PCDHGB5: variants seen among roughly 807,000 people sequenced by gnomAD.
The protein encoded by PCDHGB5 is protocadherin gamma subfamily B, 5.
In PCDHGB5, 48 loss-of-function variants were observed where a neutral mutation model predicts 62.9. The observed-to-expected ratio is 0.76, with a 90% CI of 0.61 to 0.97. The LOEUF (loss-of-function observed/expected upper bound fraction) is 0.97. Ranked by LOEUF, PCDHGB5 falls within the 50% of genes least tolerant of loss-of-function variation. The probability of loss-of-function intolerance (pLI) is 0.00; values close to 1 mark genes in which losing one functional copy is unlikely to be tolerated. For synonymous variants in PCDHGB5, 474 were observed against 511.2 expected (o/e 0.93, Z 0.98); for missense variants, 1,118 against 1,198.6 (o/e 0.93, Z 0.99).
In PCDHGB5 at chr5:141,511,406, G is replaced by C; in HGVS notation, c.*233G>C. The C allele has an allele frequency of 1.1e-6, 1 of 942,018 alleles. No individual in the cohort carries two copies. The highest frequency in any genetic ancestry group is 1.7e-5 in the African/African-American group (1 of 60,280). The allele number at this position is 942,018 out of a possible 1,614,324, so 58.4% of individuals were successfully genotyped here. ...GCTGGGAACCCCCATCCAATCAACT[G>C]CTGTACCCATGGGGGTAGTGGGGTT... On this transcript the variant is annotated 3_prime_UTR_variant, in exon 4 of 4. Coordinates refer to ENST00000617380, the MANE Select transcript of PCDHGB5 (RefSeq NM_018925.3).
intron 1 of PCDHGB5, chr5:141,408,114 C>T (rs1191565539): frequency 5.5e-6 from 8 of 1,460,968 alleles, no homozygotes; most frequent in South Asian, 1.4e-5. Context: ...CGGGACTCCT[C>T]CTGTCCTGGG....
intron 1 of PCDHGB5, chr5:141,423,090 G>GT (rs2096707772): frequency 2.5e-6 from 4 of 1,613,904 alleles, no homozygotes; most frequent in African/African-American, 2.7e-5. Flanking sequence ...TCGCGGTGGG[G>GT]GAGCACACGG....
In PCDHGB5 at chr5:141,414,101, A is replaced by G. The variant is rs759223225; in HGVS notation, c.2397+13577A>G. On this transcript the variant is annotated intron_variant, in intron 1 of 3. Transcript: ENST00000617380. ...TATACTGGAGAAATAAAAATATCAG[A>G]AAATCTAGATTATGAAGAAACCGGT... 1.9e-6 allele frequency: 3 copies of G among 1,593,930 alleles called. No individual in the cohort carries two copies. The African/African-American group carries it at 4.0e-5, about 21-fold the overall frequency.
At chr5:141,440,579 C>G (rs1004258822) in intron 1 of PCDHGB5, 12 of 152,188 alleles carry the variant, frequency 7.9e-5, no homozygotes, top group African/African-American at 2.7e-4. Flanking sequence ...TGAGTTTACC[C>G]AGCTGGAACA....
intron 1 of PCDHGB5, chr5:141,410,146 C>G: frequency 6.2e-7 from 1 of 1,612,390 alleles, no homozygotes. Flanking sequence ...CTGTGCGTGA[C>G]GGTGGACAGC....
rs373728953 is a variant in PCDHGB5 at position 141,491,753 on chromosome 5, C to A, written c.2398-3054C>A. The A allele has an allele frequency of 6.3e-7, 1 of 1,585,146 alleles. No homozygotes were observed. The highest frequency in any genetic ancestry group is 8.6e-7 in the Non-Finnish European group (1 of 1,166,912). On this transcript the variant is annotated intron_variant, in intron 1 of 3. Transcript: ENST00000617380. This position sits in a 1 kb window ranked among gnomAD's most constrained non-coding sequence, Gnocchi z 6.9. The stretch of plus-strand genomic sequence containing the variant: ...ACCCCTGGGGGCGGCACTGGAGAAG[C>A]CGCCCGTCCTCATAAGGGATTGAAC...
At position 141,399,621 on chromosome 5, in the gene PCDHGB5, C is replaced by G. The variant is rs757586675; in HGVS notation, c.1494C>G (p.Ala498=). ...MASDLEPLAL[A]SYVSMSAQSG... ...GCGACCTAGAGCCTCTGGCACTGGC[C>G]TCTTACGTGTCCATGAGCGCGCAAA... The change falls in exon 1 of 4, where the codon GCC becomes GCG. Residue 498 remains alanine, a synonymous_variant. Transcript: ENST00000617380. 6.2e-7 allele frequency: 1 copy of G among 1,613,948 alleles called. No homozygotes were observed.
chr5:141,438,337 T>C (rs935624931), intron 1 of PCDHGB5, among the ~76,000 whole-genome samples: 25 of 151,926 alleles, frequency 1.6e-4, no homozygotes, highest in Non-Finnish European at 1.9e-4. Context: ...ACATGTCATA[T>C]AAGGATCTAC....
chr5:141,423,864 G>A (rs180692491), intron 1 of PCDHGB5: 551 of 1,284,224 alleles, frequency 4.3e-4, no homozygotes, highest in Non-Finnish European at 5.0e-4. Context: ...TTTTGTGAAA[G>A]TCATTTTTCA....
intron 1 of PCDHGB5, among the ~76,000 whole-genome samples, chr5:141,466,180 AT>A (rs922532578): frequency 6.6e-6 from 1 of 151,138 alleles, no homozygotes; most frequent in Admixed American, 6.6e-5. Context: ...TTTTATTTTT[AT>A]TTTTTTTCAG....
intron 1 of PCDHGB5, chr5:141,427,590 C>A: frequency 1.5e-6 from 1 of 679,008 alleles, no homozygotes; most frequent in Non-Finnish European, 2.7e-6. Flanking sequence ...CAGCACAAGC[C>A]TCACCCTACG....
chr5:141,405,546 A>G (rs2094684316), intron 1 of PCDHGB5: 1 of 630,658 alleles, frequency 1.6e-6, no homozygotes, highest in Admixed American at 2.9e-5. Context: ...CAGCCTCCCA[A>G]GTAGAGTAGC....
In PCDHGB5 at chr5:141,493,755, A is replaced by C. The variant is rs1364524112; in HGVS notation, c.2398-1052A>C. Among the ~76,000 whole-genome samples, 1 of 152,148 alleles carries C rather than the reference A, an allele frequency of 6.6e-6. No homozygotes were observed. The highest frequency in any genetic ancestry group is 2.4e-5 in the African/African-American group (1 of 41,440). On this transcript the variant is annotated intron_variant, in intron 1 of 3. Coordinates refer to ENST00000617380, the MANE Select transcript of PCDHGB5 (RefSeq NM_018925.3). The surrounding 1 kb of genome is among the most constrained non-coding windows in gnomAD (Gnocchi z 4.3). ...ATATCACTGCCACCTGTGAGCCTTG[A>C]GTGAGCCACTGGCAGTTCCGGAGCT...
Position 141,491,019 on chromosome 5 carries a change from A to G in PCDHGB5, c.2398-3788A>G. 5 of 1,614,116 alleles carry G rather than the reference A, an allele frequency of 3.1e-6. No individual in the cohort carries two copies. The highest frequency in any genetic ancestry group is 4.2e-6 in the Non-Finnish European group (5 of 1,180,026). ...CTGGCTCCTTGGTCACCAAGGTGAC[A>G]GCCGTGGATGCTGATGCAGGCCACA... On this transcript the variant is annotated intron_variant, in intron 1 of 3. Coordinates refer to ENST00000617380, the MANE Select transcript of PCDHGB5 (RefSeq NM_018925.3). This position sits in a 1 kb window ranked among gnomAD's most constrained non-coding sequence, Gnocchi z 6.9.
intron 1 of PCDHGB5, among the ~76,000 whole-genome samples, chr5:141,494,157 G>A (rs929922206): frequency 5.9e-5 from 9 of 152,312 alleles, no homozygotes; most frequent in African/African-American, 1.7e-4. Context: ...TGTCTGGCAC[G>A]GAGTTCTAGG....
At chr5:141,409,573 C>T (rs562811168) in intron 1 of PCDHGB5, 4 of 1,613,934 alleles carry the variant, frequency 2.5e-6, no homozygotes, top group African/African-American at 2.7e-5. Flanking sequence ...AGACGTCCTA[C>T]GTGGTCCACG....
At chr5:141,498,011 G>A (rs995865984) in intron 2 of PCDHGB5, among the ~76,000 whole-genome samples, 2 of 152,204 alleles carry the variant, frequency 1.3e-5, no homozygotes, top group Non-Finnish European at 2.9e-5. Flanking sequence ...ACAGTGCACT[G>A]AAGGAGACAA....
intron 1 of PCDHGB5, among the ~76,000 whole-genome samples, chr5:141,435,303 A>G (rs2097757060): frequency 6.6e-6 from 1 of 152,192 alleles, no homozygotes; most frequent in Admixed American, 6.5e-5. Flanking sequence ...TCATGGTTTT[A>G]AATCATTCAT....
chr5:141,441,737 C>CG, intron 1 of PCDHGB5: 1 of 365,242 alleles, frequency 2.7e-6, no homozygotes, highest in South Asian at 2.2e-5. Flanking sequence ...AGGACTAGCT[C>CG]GCGCTCGGCG....
Sources: allele counts gnomAD v4.1 joint callset (sites outside exome capture counted in the v4.1 genomes callset), GRCh38; gene constraint gnomAD v4.1.1; non-coding constraint Gnocchi (gnomAD v3.1); transcripts MANE v1.5; gene names NCBI Gene and HGNC (gene_info 2026-07-23, HGNC 2026-07-21).